ATOH8: variants seen among roughly 807,000 people sequenced by gnomAD.
ATOH8 encodes transcription factor ATOH8.
In ATOH8, 9 loss-of-function variants were observed where a neutral mutation model predicts 21.2. The observed-to-expected ratio is 0.42, with a 90% CI of 0.26 to 0.74. The LOEUF is 0.74. Among genes scored for constraint, ATOH8 ranks in the 30% least tolerant of loss-of-function variants. The probability of loss-of-function intolerance (pLI) is 0.24; values close to 1 mark genes in which losing one functional copy is unlikely to be tolerated. For synonymous variants in ATOH8, 253 were observed against 224.0 expected (o/e 1.13, Z -1.16); for missense variants, 524 against 470.9 (o/e 1.11, Z -1.04).
intron 2 of ATOH8, chr2:85,783,671 C>T (rs996025919): frequency 1.3e-5 from 2 of 152,194 alleles, no homozygotes; most frequent in Non-Finnish European, 2.9e-5. Flanking sequence ...TGGCCGGCAG[C>T]AGAAACACAA....
intron 2 of ATOH8, among the ~76,000 whole-genome samples, chr2:85,781,479 A>C (rs1030719309): frequency 1.2e-4 from 18 of 152,166 alleles, no homozygotes; most frequent in Non-Finnish European, 2.4e-4. Context: ...AGACTGGAGA[A>C]TCATTTGAAC....
intron 1 of ATOH8, among the ~76,000 whole-genome samples, chr2:85,757,638 GTGTGGC>G (rs1405126823): frequency 2.0e-5 from 3 of 152,152 alleles, no homozygotes; most frequent in Non-Finnish European, 4.4e-5. Flanking sequence ...CATGCCTTCT[GTGTGGC>G]TGTGGACAAG....
chr2:85,761,951 T>C (rs1303339449), intron 1 of ATOH8, among the ~76,000 whole-genome samples: 1 of 152,186 alleles, frequency 6.6e-6, no homozygotes, highest in Non-Finnish European at 1.5e-5. Flanking sequence ...GCATGGGAGC[T>C]GGCTTTCTCT....
chr2:85,781,418 T>C (rs1680491420), intron 2 of ATOH8, among the ~76,000 whole-genome samples: 1 of 151,274 alleles, frequency 6.6e-6, no homozygotes, highest in Non-Finnish European at 1.5e-5. Flanking sequence ...AATACAAAAA[T>C]TAACCGGGTG....
At chr2:85,786,748 G>A (rs1419643865) in intron 2 of ATOH8, 137 bp from the exon 3 acceptor site, 9 of 1,125,666 alleles carry the variant, frequency 8.0e-6, no homozygotes, top group African/African-American at 1.5e-5. Context: ...TTGAATCCTG[G>A]CTCTTCCACT....
At chr2:85,755,396 C>T (rs1246218614) in intron 1 of ATOH8, among the ~76,000 whole-genome samples, 1 of 152,164 alleles carries the variant, frequency 6.6e-6, no homozygotes, top group Non-Finnish European at 1.5e-5. Flanking sequence ...GGGGAGTTGT[C>T]AGCCCCTCTT....
chr2:85,769,940 G>A (rs750624666), intron 2 of ATOH8, among the ~76,000 whole-genome samples: 6 of 152,242 alleles, frequency 3.9e-5, no homozygotes, highest in Non-Finnish European at 8.8e-5. Context: ...GCTGTCATAA[G>A]TGATTTCTAA....
At chr2:85,771,225 T>C (rs1245133246) in intron 2 of ATOH8, among the ~76,000 whole-genome samples, 1 of 152,058 alleles carries the variant, frequency 6.6e-6, no homozygotes, top group Non-Finnish European at 1.5e-5. Flanking sequence ...GTTCTGGGGC[T>C]GGAGACCTGG....
At chr2:85,756,618 T>G (rs1459755669) in intron 1 of ATOH8, among the ~76,000 whole-genome samples, 2 of 152,176 alleles carry the variant, frequency 1.3e-5, no homozygotes, top group Non-Finnish European at 2.9e-5. Context: ...GACTTTTACT[T>G]CATTCAACAA....
Position 85,788,388 on chromosome 2 carries a change from G to A in ATOH8, c.*1498G>A, listed in dbSNP as rs1053061675. On this transcript the variant is annotated 3_prime_UTR_variant, in exon 3 of 3. Transcript: ENST00000306279. ...CCCGTTTCACAGATGGGGTAACTGA[G>A]GCCTCAAGTAGACAGGGTCAGTCGG... Among the ~76,000 whole-genome samples the A allele has an allele frequency of 2.0e-5, 3 of 152,082 alleles. No homozygotes were observed. Among genetic ancestry groups the A allele is most frequent in the Non-Finnish European group, 4.4e-5 (3 of 68,020 alleles).
Position 85,754,750 on chromosome 2 carries a change from C to T in ATOH8, c.561C>T (p.Pro187=), listed in dbSNP as rs778911483. The T allele has an allele frequency of 4.3e-6, 7 of 1,612,838 alleles. No homozygotes were observed. Among genetic ancestry groups the T allele is most frequent in the East Asian group, 2.2e-5 (1 of 44,868 alleles). The change falls in exon 1 of 3, where the codon CCC becomes CCT. Residue 187 remains proline, a synonymous_variant. Transcript: ENST00000306279. ...STVRPAPPTR[P]GESSYSSISH... ...TGCGCCCTGCGCCCCCGACGCGCCC[C>T]GGGGAAAGTTCCTACTCGTCAATTT...
chr2:85,754,399 CCCGGTA>C lies in ATOH8; in HGVS notation c.216_221del (p.Pro79_Val80del), dbSNP rs1679604374. On this transcript the variant is annotated inframe_deletion, in exon 1 of 3. Coordinates refer to ENST00000306279, the MANE Select transcript of ATOH8 (RefSeq NM_032827.7). Reference sequence around the variant, plus strand: ...ACAGGACCCATCGGCTGCAGCCGGTCCCGGTACCGGTGCCGGTGCCAGTCCCAGTGG... The same window carrying C: ...ACAGGACCCATCGGCTGCAGCCGGTCCCGGTGCCGGTGCCAGTCCCAGTGG... The C allele has an allele frequency of 1.3e-6, 2 of 1,575,400 alleles. No homozygotes were observed. The highest frequency in any genetic ancestry group is 2.8e-5 in the African/African-American group (2 of 70,932).
At position 85,785,270 on chromosome 2, in the gene ATOH8, G is replaced by T. The variant is rs1217402993; in HGVS notation, c.961-1615G>T. 6.6e-6 allele frequency among the ~76,000 whole-genome samples: 1 copy of T among 152,244 alleles called. No homozygotes were observed. Among genetic ancestry groups the T allele is most frequent in the East Asian group, 1.9e-4 (1 of 5,200 alleles). ...GCTGTAAATCACCCCGTGGACCACA[G>T]ACCCAGTGCCATCCCCACGGGTTTC... On this transcript the variant is annotated intron_variant, in intron 2 of 2. Coordinates refer to ENST00000306279, the MANE Select transcript of ATOH8 (RefSeq NM_032827.7). The surrounding 1 kb of genome is among the most constrained non-coding windows in gnomAD (Gnocchi z 4.1).
At chr2:85,779,730 C>T (rs1680432633) in intron 2 of ATOH8, among the ~76,000 whole-genome samples, 1 of 152,252 alleles carries the variant, frequency 6.6e-6, no homozygotes, top group Admixed American at 6.5e-5. Context: ...GAGGTCACCA[C>T]TCAGGCCTCC....
chr2:85,779,008 G>A (rs1325248686), intron 2 of ATOH8, among the ~76,000 whole-genome samples: 1 of 151,392 alleles, frequency 6.6e-6, no homozygotes, highest in African/African-American at 2.4e-5. Flanking sequence ...CTCCAGCCTG[G>A]GTACCTCCTC....
intron 2 of ATOH8, among the ~76,000 whole-genome samples, chr2:85,786,065 G>A (rs550469494): frequency 4.6e-5 from 7 of 152,234 alleles, no homozygotes; most frequent in South Asian, 4.2e-4. Context: ...TGCTCAGAGC[G>A]CCAAGTTCAG....
At chr2:85,762,467 G>T (rs1283117281) in intron 1 of ATOH8, among the ~76,000 whole-genome samples, 1 of 152,182 alleles carries the variant, frequency 6.6e-6, no homozygotes, top group East Asian at 1.9e-4. Flanking sequence ...CCTGTTATGG[G>T]CAGGACCTGT....
chr2:85,759,440 C>T (rs1370095024), intron 1 of ATOH8, among the ~76,000 whole-genome samples: 1 of 152,062 alleles, frequency 6.6e-6, no homozygotes, highest in Admixed American at 6.5e-5. Flanking sequence ...GTGCTGTCTT[C>T]CCATTTTACA....
At position 85,787,445 on chromosome 2, in the gene ATOH8, G is replaced by A. The variant is rs563964447; in HGVS notation, c.*555G>A. On this transcript the variant is annotated 3_prime_UTR_variant, in exon 3 of 3. Transcript: ENST00000306279. ...GTGCAAGACAAGCCTTAGGGGCTGTGAGAGGGAGGCTGGGGTGCCTGGGCG... is the reference window on the plus strand; with the variant it reads ...GTGCAAGACAAGCCTTAGGGGCTGTAAGAGGGAGGCTGGGGTGCCTGGGCG... The A allele has an allele frequency of 6.5e-6, 1 of 153,854 alleles. No homozygotes were observed. Among genetic ancestry groups the A allele is most frequent in the South Asian group, 2.1e-4 (1 of 4,868 alleles). 9.5% of individuals were successfully genotyped at this position (153,854 alleles called of 1,614,324 possible). A position where few individuals can be genotyped will look rare whatever the true frequency, so the allele number is the denominator to read the frequency against.
Sources: allele counts gnomAD v4.1 joint callset (sites outside exome capture counted in the v4.1 genomes callset), GRCh38; gene constraint gnomAD v4.1.1; non-coding constraint Gnocchi (gnomAD v3.1); transcripts MANE v1.5; gene names NCBI Gene and HGNC (gene_info 2026-07-23, HGNC 2026-07-21).